The following EPN2 variants were observed in gnomAD, a reference collection of about 807,000 sequenced individuals.
EPN2 encodes epsin-2.
A neutral mutation model predicts 61.7 loss-of-function variants in EPN2; 34 were observed. That is an observed-to-expected ratio of 0.55 (90% confidence interval 0.42 to 0.73). The LOEUF (loss-of-function observed/expected upper bound fraction) is 0.73, where lower values mean the gene tolerates loss of function less well. Among genes scored for constraint, EPN2 ranks in the 30% least tolerant of loss-of-function variants. EPN2 has a pLI of 0.00. For missense variants in EPN2, 714 were observed against 839.2 expected (o/e 0.85, Z 1.84); for synonymous variants, 349 against 353.6 (o/e 0.99, Z 0.15).
intron 4 of EPN2, among the ~76,000 whole-genome samples, chr17:19,301,373 C>T (rs1905509897): frequency 6.6e-6 from 1 of 152,160 alleles, no homozygotes; most frequent in African/African-American, 2.4e-5. Flanking sequence ...GGACCCAGTT[C>T]TGCCCATAAC....
chr17:19,334,593 G>A lies in EPN2; in HGVS notation c.*339G>A, dbSNP rs1907313994. 1 of 206,342 alleles carries A rather than the reference G, an allele frequency of 4.8e-6. No individual in the cohort carries two copies. Among genetic ancestry groups the A allele is most frequent in the Non-Finnish European group, 9.6e-6 (1 of 104,328 alleles). The allele number at this position is 206,342 out of a possible 1,614,324, so 12.8% of individuals were successfully genotyped here. On this transcript the variant is annotated 3_prime_UTR_variant, in exon 11 of 11. Coordinates refer to ENST00000314728, the MANE Select transcript of EPN2 (RefSeq NM_014964.5). This position sits in a 1 kb window ranked among gnomAD's most constrained non-coding sequence, Gnocchi z 4.9. ...CAGGATGTTGCCTGGCCCAGGACTT[G>A]GGACAGTGGCCTTGTCTTTGTCCTC...
At position 19,283,053 on chromosome 17, in the gene EPN2, G is replaced by A. The variant is rs1018223052; in HGVS notation, c.-67G>A. On this transcript the variant is annotated 5_prime_UTR_variant, in exon 3 of 11. Transcript: ENST00000314728. The surrounding 1 kb of genome is among the most constrained non-coding windows in gnomAD (Gnocchi z 7.0). ...CGGAGACTGAACCTTCATAGGGTGCGCACTTACCAAGGACAGGAAGGTTTC... is the reference window on the plus strand; with the variant it reads ...CGGAGACTGAACCTTCATAGGGTGCACACTTACCAAGGACAGGAAGGTTTC... The A allele has an allele frequency of 3.5e-5, 40 of 1,148,320 alleles. No homozygotes were observed. In the Admixed American group the frequency reaches 7.1e-4, roughly 20 times the overall value. The allele number at this position is 1,148,320 out of a possible 1,614,324, so 71.1% of individuals were successfully genotyped here. A position where few individuals can be genotyped will look rare whatever the true frequency, so the allele number is the denominator to read the frequency against.
At chr17:19,250,629 G>C (rs559296959) in intron 1 of EPN2, among the ~76,000 whole-genome samples, 20 of 152,274 alleles carry the variant, frequency 1.3e-4, no homozygotes, top group African/African-American at 4.8e-4. Flanking sequence ...CAGTGGGTCA[G>C]AGCCAGTGTC....
rs377598331 is a variant in EPN2, at chr17:19,293,117, G to A, written c.766+7327G>A. ...GGATTGGCTGGGCAGGGTGGCTCAC[G>A]CCTGTAATCCCAGCATGTTGGGAGG... is the stretch of plus-strand genomic sequence containing the variant. On this transcript the variant is annotated intron_variant, in intron 4 of 10. Coordinates refer to ENST00000314728, the MANE Select transcript of EPN2 (RefSeq NM_014964.5). Among the ~76,000 whole-genome samples the A allele has an allele frequency of 9.2e-5, 14 of 151,912 alleles. No homozygotes were observed. In the East Asian group the frequency reaches 2.7e-3, roughly 29 times the overall value.
chr17:19,318,564 A>AAAAAG (rs1884620660), intron 7 of EPN2, among the ~76,000 whole-genome samples: 1 of 148,930 alleles, frequency 6.7e-6, no homozygotes, highest in Non-Finnish European at 1.5e-5. Context: ...AAAAAAAAAA[A>AAAAAG]AAAGAGTAGG....
rs1193287462 is a variant in EPN2 at position 19,329,604 on chromosome 17, T to A, written c.1368T>A (p.Asp456Glu). The A allele has an allele frequency of 1.9e-5, 31 of 1,613,550 alleles. No individual in the cohort carries two copies. In the Admixed American group the frequency reaches 5.2e-4, roughly 27 times the overall value. ...GTAATCTGAATGGTACAATTAAAGA[T>A]GACTTTTCTGAATTTGACAACCTTC... ...LFSNLNGTIK[D>E]DFSEFDNLRT... The change falls in exon 9 of 11, where the codon GAT becomes GAA. Residue 456 changes from aspartate to glutamate, a missense_variant. Asp to Glu is a conservative substitution (Grantham distance 45). Around this residue, in one of 2 missense-constraint regions of EPN2, gnomAD observed 410 missense variants for 421.8 expected, o/e 0.97. Coordinates refer to ENST00000314728, the MANE Select transcript of EPN2 (RefSeq NM_014964.5).
At chr17:19,258,772 A>G (rs1234349835) in intron 1 of EPN2, among the ~76,000 whole-genome samples, 2 of 152,214 alleles carry the variant, frequency 1.3e-5, no homozygotes, top group Non-Finnish European at 2.9e-5. Context: ...GTTCCCACAC[A>G]GGGAAAGGTC....
At chr17:19,304,349 A>T (rs1296393644) in intron 4 of EPN2, among the ~76,000 whole-genome samples, 1 of 152,198 alleles carries the variant, frequency 6.6e-6, no homozygotes, top group Admixed American at 6.5e-5. Flanking sequence ...ACTGCTGTTC[A>T]GTAACAAGGA....
intron 8 of EPN2, chr17:19,329,184 G>T: frequency 2.3e-6 from 1 of 440,084 alleles, no homozygotes; most frequent in Non-Finnish European, 4.0e-6. Context: ...CTCACCCCTG[G>T]GGGGCTGGGC....
intron 4 of EPN2, chr17:19,306,374 T>A (rs1399193080): frequency 6.6e-6 from 1 of 152,274 alleles, no homozygotes; most frequent in African/African-American, 2.4e-5. Context: ...TCCCGTTGTG[T>A]GTAGCTCAGC....
intron 7 of EPN2, among the ~76,000 whole-genome samples, chr17:19,320,205 C>T (rs1427755433): frequency 6.6e-6 from 1 of 152,246 alleles, no homozygotes; most frequent in Non-Finnish European, 1.5e-5. Flanking sequence ...TGTGGTCACC[C>T]CGTCCTCAGG....
chr17:19,255,467 T>C lies in EPN2; in HGVS notation c.-294+17936T>C, dbSNP rs138096322. 6.5e-3 allele frequency among the ~76,000 whole-genome samples: 980 copies of C among 149,688 alleles called. 54 individuals are homozygous for C. The East Asian group carries it at 0.12, about 18-fold the overall frequency. ...TTATTTATTTATTTATTTATTTATT[T>C]ATTTATTTATTTATTTTCTTGTGTT... On this transcript the variant is annotated intron_variant, in intron 1 of 10. Coordinates refer to ENST00000314728, the MANE Select transcript of EPN2 (RefSeq NM_014964.5).
chr17:19,274,350 G>A (rs891056093), intron 1 of EPN2: 1 of 152,184 alleles, frequency 6.6e-6, no homozygotes, highest in South Asian at 2.1e-4. Context: ...AGCATTCTCT[G>A]TCATCTGCTT....
At chr17:19,247,061 C>T (rs560280825) in intron 1 of EPN2, among the ~76,000 whole-genome samples, 11 of 151,652 alleles carry the variant, frequency 7.3e-5, no homozygotes, top group African/African-American at 2.7e-4. Context: ...TGAGCCACTG[C>T]GCCCAGCCCC....
chr17:19,328,818 T>G lies in EPN2; in HGVS notation c.1255T>G (p.Ser419Ala). The stretch of plus-strand genomic sequence containing the variant: ...CTGGGCAGCTTCACAGCAGCCTGCC[T>G]CCAGTGCTGGGAAAAGAGCTTCTGA... ...DPWAASQQPA[S>A]SAGKRASDAW... The change falls in exon 8 of 11, where the codon TCC becomes GCC. Residue 419 changes from serine to alanine, a missense_variant. Physicochemically the swap from Ser to Ala is moderately conservative, Grantham distance 99. Around this residue, in one of 2 missense-constraint regions of EPN2, gnomAD observed 410 missense variants for 421.8 expected, o/e 0.97. Transcript: ENST00000314728. The G allele has an allele frequency of 1.9e-6, 3 of 1,613,576 alleles. No homozygotes were observed. The highest frequency in any genetic ancestry group is 2.5e-6 in the Non-Finnish European group (3 of 1,179,718).
intron 1 of EPN2, among the ~76,000 whole-genome samples, chr17:19,270,061 G>A (rs2152211739): frequency 6.6e-6 from 1 of 152,326 alleles, no homozygotes; most frequent in South Asian, 2.1e-4. Context: ...GCAAATCCTA[G>A]TCCCACCTCT....
intron 1 of EPN2, among the ~76,000 whole-genome samples, chr17:19,249,860 C>CT (rs1364332045): frequency 6.6e-5 from 10 of 152,124 alleles, no homozygotes; most frequent in African/African-American, 9.7e-5. Context: ...GCTGGAGGCT[C>CT]TGGGGGGGAA....
intron 1 of EPN2, among the ~76,000 whole-genome samples, chr17:19,238,419 GGCA>G (rs1274712659): frequency 2.6e-5 from 4 of 152,310 alleles, no homozygotes; most frequent in Admixed American, 6.5e-5. Flanking sequence ...CTTTCCCTGG[GGCA>G]GCTTGAGCTC....
chr17:19,309,923 C>T lies in EPN2; in HGVS notation c.805C>T (p.Arg269Trp), dbSNP rs1291506966. ...AGTGTCCTCCGAGCTGGAGCAAGCC[C>T]GGCCCCAGACTAGTGGAGAAGAGGA... ...PRVSSELEQA[R>W]PQTSGEEELQ... is the part of the protein sequence containing the mutation. The change falls in exon 5 of 11, where the codon CGG becomes TGG. Residue 269 changes from arginine to tryptophan, a missense_variant. Arg to Trp is a moderately radical substitution (Grantham distance 101). Around this residue, in one of 2 missense-constraint regions of EPN2, gnomAD observed 304 missense variants for 417.4 expected, o/e 0.73. Coordinates refer to ENST00000314728, the MANE Select transcript of EPN2 (RefSeq NM_014964.5). 12 of 1,609,196 alleles carry T rather than the reference C, an allele frequency of 7.5e-6. No individual in the cohort carries two copies. The highest frequency in any genetic ancestry group is 6.7e-5 in the Admixed American group (4 of 59,996).
Sources: allele counts gnomAD v4.1 joint callset (sites outside exome capture counted in the v4.1 genomes callset), GRCh38; gene constraint gnomAD v4.1.1; regional missense constraint gnomAD v4.1.1; non-coding constraint Gnocchi (gnomAD v3.1); transcripts MANE v1.5; gene names NCBI Gene and HGNC (gene_info 2026-07-23, HGNC 2026-07-21).